Variants in ROBO1 observed in about 807,000 individuals in gnomAD.
The protein encoded by ROBO1 is roundabout guidance receptor 1, also known as roundabout homolog 1.
A neutral mutation model predicts 195.9 loss-of-function variants in ROBO1; 149 were observed. The observed-to-expected ratio is 0.76, with a 90% CI of 0.67 to 0.87. The LOEUF is 0.87. Ranked by LOEUF, ROBO1 falls within the 40% of genes least tolerant of loss-of-function variation. The pLI is 0.00. For missense variants in ROBO1, 1,933 were observed against 2,068.3 expected (o/e 0.93, Z 1.27); for synonymous variants, 816 against 733.2 (o/e 1.11, Z -1.82).
At chr3:79,631,257 A>G (rs1033335017) in intron 1 of ROBO1, among the ~76,000 whole-genome samples, 2 of 151,968 alleles carry the variant, frequency 1.3e-5, no homozygotes, top group African/African-American at 4.8e-5. Flanking sequence ...TGTAGTAACG[A>G]AAACAGTATG....
At chr3:79,236,249 C>G (rs2082405108) in intron 2 of ROBO1, among the ~76,000 whole-genome samples, 1 of 152,162 alleles carries the variant, frequency 6.6e-6, no homozygotes, top group Non-Finnish European at 1.5e-5. Context: ...TGCAGCGAAA[C>G]CACCTGCATT....
chr3:79,575,147 T>A (rs371065925), intron 2 of ROBO1, among the ~76,000 whole-genome samples: 9 of 135,080 alleles, frequency 6.7e-5, no homozygotes, highest in African/African-American at 2.5e-4. Context: ...AACAAATATA[T>A]AAATATATAT....
At chr3:79,115,591 G>A (rs2079978667) in intron 3 of ROBO1, among the ~76,000 whole-genome samples, 1 of 151,982 alleles carries the variant, frequency 6.6e-6, no homozygotes, top group Non-Finnish European at 1.5e-5. Flanking sequence ...AAAACTGAAT[G>A]ACCACCAATA....
intron 2 of ROBO1, among the ~76,000 whole-genome samples, chr3:79,500,827 G>A (rs1299028330): frequency 6.6e-6 from 1 of 152,086 alleles, no homozygotes; most frequent in Non-Finnish European, 1.5e-5. Flanking sequence ...TTCCAATACC[G>A]TATGCATTTT....
At chr3:79,189,737 C>T (rs572977713) in intron 2 of ROBO1, among the ~76,000 whole-genome samples, 2 of 151,816 alleles carry the variant, frequency 1.3e-5, no homozygotes, top group East Asian at 3.9e-4. Flanking sequence ...TAATATAGTA[C>T]ACTTGTAACC....
chr3:79,004,178 A>C (rs1268723523), intron 3 of ROBO1, among the ~76,000 whole-genome samples: 1 of 152,180 alleles, frequency 6.6e-6, no homozygotes, highest in Non-Finnish European at 1.5e-5. Context: ...CATTTCTACC[A>C]CAAGTTGTTC....
At chr3:79,534,699 C>T (rs1367405719) in intron 2 of ROBO1, among the ~76,000 whole-genome samples, 2 of 152,104 alleles carry the variant, frequency 1.3e-5, no homozygotes, top group South Asian at 2.1e-4. Flanking sequence ...CCTCAGCCTC[C>T]GGGGCTGTTG....
At chr3:79,194,573 T>C (rs1257799986) in intron 2 of ROBO1, among the ~76,000 whole-genome samples, 1 of 151,688 alleles carries the variant, frequency 6.6e-6, no homozygotes, top group Non-Finnish European at 1.5e-5. Flanking sequence ...GGTGAATTTC[T>C]ATGTACTTGT....
At chr3:79,736,113 T>C (rs531609519) in intron 1 of ROBO1, among the ~76,000 whole-genome samples, 1 of 152,282 alleles carries the variant, frequency 6.6e-6, no homozygotes, top group East Asian at 1.9e-4. Flanking sequence ...CAAAAGGAAA[T>C]CAATGACATC....
chr3:78,599,793 T>C (rs1255299646), intron 30 of ROBO1, among the ~76,000 whole-genome samples: 3 of 152,228 alleles, frequency 2.0e-5, no homozygotes, highest in African/African-American at 7.2e-5. Flanking sequence ...CCTGCTACAA[T>C]GCTATGAATT....
chr3:79,574,027 G>A (rs1943365690), intron 2 of ROBO1, among the ~76,000 whole-genome samples: 1 of 152,018 alleles, frequency 6.6e-6, no homozygotes, highest in African/African-American at 2.4e-5. Context: ...TGTTTCCATT[G>A]AGTCCATGGA....
At chr3:79,044,126 T>TAAA (rs71127374) in intron 3 of ROBO1, among the ~76,000 whole-genome samples, 589 of 140,086 alleles carry the variant, frequency 4.2e-3, no homozygotes, top group Non-Finnish European at 5.7e-3. Context: ...GTTGATGAGC[T>TAAA]AAAAAAAAAA....
intron 2 of ROBO1, among the ~76,000 whole-genome samples, chr3:79,202,229 A>C (rs545540849): frequency 2.0e-5 from 3 of 152,012 alleles, no homozygotes; most frequent in Admixed American, 6.6e-5. Context: ...TGATACCTTT[A>C]GTTTTTGAAC....
At chr3:79,568,862 A>C (rs1164981429) in intron 2 of ROBO1, among the ~76,000 whole-genome samples, 1 of 152,176 alleles carries the variant, frequency 6.6e-6, no homozygotes, top group Non-Finnish European at 1.5e-5. Context: ...CTGAGTTTTA[A>C]AAAATAGGTT....
chr3:78,853,487 G>T (rs1380059742), intron 4 of ROBO1, among the ~76,000 whole-genome samples: 1 of 149,110 alleles, frequency 6.7e-6, no homozygotes, highest in Non-Finnish European at 1.5e-5. Flanking sequence ...ATGTATGTAT[G>T]TATTTATTTA....
intron 2 of ROBO1, among the ~76,000 whole-genome samples, chr3:79,180,870 G>A (rs968950851): frequency 6.6e-6 from 1 of 152,122 alleles, no homozygotes; most frequent in Non-Finnish European, 1.5e-5. Context: ...GGGAGTGGAT[G>A]AGGATCAGTG....
At chr3:79,012,433 A>G (rs1410901053) in intron 3 of ROBO1, among the ~76,000 whole-genome samples, 1 of 152,172 alleles carries the variant, frequency 6.6e-6, no homozygotes, top group Non-Finnish European at 1.5e-5. Context: ...TGACCCTAGA[A>G]CATTTTCTAC....
intron 22 of ROBO1, among the ~76,000 whole-genome samples, chr3:78,636,347 A>G (rs1344480841): frequency 7.2e-5 from 11 of 152,202 alleles, no homozygotes; most frequent in Non-Finnish European, 1.6e-4. Flanking sequence ...AATTTCTGAT[A>G]GTGCTGAAGT....
At chr3:79,379,260 A>G (rs572276709) in intron 2 of ROBO1, among the ~76,000 whole-genome samples, 68 of 152,330 alleles carry the variant, frequency 4.5e-4, no homozygotes, top group African/African-American at 1.6e-3. Flanking sequence ...TCGATGAAAT[A>G]ACGTATTCCA....
Sources: gnomAD v4.1 joint callset for allele counts (sites outside exome capture counted in the v4.1 genomes callset) on GRCh38, gnomAD v4.1.1 for gene constraint, MANE v1.5 for transcripts, NCBI Gene and HGNC (gene_info 2026-07-23, HGNC 2026-07-21) for gene names.